The following DYNC1LI2 variants were observed in gnomAD, a reference collection of about 807,000 sequenced individuals.
The protein encoded by DYNC1LI2 is dynein cytoplasmic 1 light intermediate chain 2, also known as cytoplasmic dynein 1 light intermediate chain 2.
DYNC1LI2 carries 19 observed loss-of-function variants against 57.8 expected under a neutral mutation model. The ratio of observed to expected loss-of-function variants is 0.33; its 90% CI spans 0.23 to 0.48. The LOEUF (loss-of-function observed/expected upper bound fraction) is 0.48, where lower values mean the gene tolerates loss of function less well. DYNC1LI2 is among the 20% of genes least tolerant of loss of function. The probability of loss-of-function intolerance (pLI) is 0.99; values close to 1 mark genes in which losing one functional copy is unlikely to be tolerated. For missense variants in DYNC1LI2, 470 were observed against 604.2 expected (o/e 0.78, Z 2.33); for synonymous variants, 256 against 233.4 (o/e 1.10, Z -0.88).
Position 66,751,386 on chromosome 16 carries a change from G to C in DYNC1LI2, c.108-40C>G, listed in dbSNP as rs769105972. ...GCAAGAGTGGTCAGCCCCGGGCCGG[G>C]CTGGGATGGCCCGGCTCGCGTCGGC... On this transcript the variant is annotated intron_variant, in intron 1 of 12. Coordinates refer to ENST00000258198, the MANE Select transcript of DYNC1LI2 (RefSeq NM_006141.3). The surrounding 1 kb of genome is among the most constrained non-coding windows in gnomAD (Gnocchi z 5.2). The C allele has an allele frequency of 3.7e-5, 59 of 1,602,372 alleles. No homozygotes were observed. Among genetic ancestry groups the C allele is most frequent in the Non-Finnish European group, 4.8e-5 (56 of 1,175,614 alleles).
Position 66,734,040 on chromosome 16 carries a change from A to T in DYNC1LI2, c.793+178T>A, listed in dbSNP as rs574443635. The T allele has an allele frequency of 5.3e-6, 3 of 571,164 alleles. No individual in the cohort carries two copies. The Admixed American group carries it at 9.7e-5, about 18-fold the overall frequency. 35.4% of individuals were successfully genotyped at this position (571,164 alleles called of 1,614,324 possible). Reference sequence around the variant, plus strand: ...CAAATAAATGAGTGATCAAAGGTAGACACAAGTTAATAAACCTAAAACTCC... The same window carrying T: ...CAAATAAATGAGTGATCAAAGGTAGTCACAAGTTAATAAACCTAAAACTCC... On this transcript the variant is annotated intron_variant, in intron 6 of 12. Coordinates refer to ENST00000258198, the MANE Select transcript of DYNC1LI2 (RefSeq NM_006141.3).
Position 66,749,182 on chromosome 16 carries a change from C to A in DYNC1LI2, c.298+15G>T. 1 of 1,613,438 alleles carries A rather than the reference C, an allele frequency of 6.2e-7. No individual in the cohort carries two copies. The highest frequency in any genetic ancestry group is 2.2e-5 in the East Asian group (1 of 44,874). On this transcript the variant is annotated intron_variant, in intron 3 of 12. Transcript: ENST00000258198. ...TGCATACACCCCCTTACCATGGGACCAATGCTTCACTCACCATCTCGGTCC... is the reference window on the plus strand; with the variant it reads ...TGCATACACCCCCTTACCATGGGACAAATGCTTCACTCACCATCTCGGTCC...
intron 5 of DYNC1LI2, 69 bp downstream of exon 5, chr16:66,736,006 T>TC (rs3833056): frequency 0.34 from 529,403 of 1,545,828 alleles, 95,563 homozygotes; most frequent in East Asian, 0.61. Context: ...GTCAACAGTT[T>TC]CTCAAACTTT....
At chr16:66,750,887 A>C (rs1035268495) in intron 2 of DYNC1LI2, among the ~76,000 whole-genome samples, 2 of 152,198 alleles carry the variant, frequency 1.3e-5, no homozygotes, top group African/African-American at 2.4e-5. Context: ...ATGAGGCTCA[A>C]AGAAGGCTCC....
intron 5 of DYNC1LI2, 108 bp downstream of exon 5, chr16:66,735,967 T>C: frequency 1.4e-6 from 2 of 1,420,384 alleles, no homozygotes; most frequent in Admixed American, 4.6e-5. Context: ...GAATCTCAAA[T>C]AAGCCCAAGT....
chr16:66,734,435 AT>A, intron 5 of DYNC1LI2, 124 bp from the exon 6 acceptor site: 1 of 882,892 alleles, frequency 1.1e-6, no homozygotes, highest in Non-Finnish European at 1.7e-6. Flanking sequence ...GGGTCCAAGC[AT>A]TAATTAGAGA....
At chr16:66,750,933 C>T (rs2018035423) in intron 2 of DYNC1LI2, among the ~76,000 whole-genome samples, 1 of 152,200 alleles carries the variant, frequency 6.6e-6, no homozygotes. Context: ...GCCCAGGTCA[C>T]CTCGTTCTCC....
In DYNC1LI2 at chr16:66,728,966, C is replaced by A; in HGVS notation, c.1101+74G>T. 4 of 1,528,796 alleles carry A rather than the reference C, an allele frequency of 2.6e-6. No homozygotes were observed. The South Asian group carries it at 4.5e-5, about 17-fold the overall frequency. The allele number at this position is 1,528,796 out of a possible 1,614,324, so 94.7% of individuals were successfully genotyped here. A position where few individuals can be genotyped will look rare whatever the true frequency, so the allele number is the denominator to read the frequency against. ...CTTTGTGACTTCCCACATGCAGACACCCCCAACCCCACCCTAGGGACTGGC... is the reference window on the plus strand; with the variant it reads ...CTTTGTGACTTCCCACATGCAGACAACCCCAACCCCACCCTAGGGACTGGC... On this transcript the variant is annotated intron_variant, in intron 9 of 12. Coordinates refer to ENST00000258198, the MANE Select transcript of DYNC1LI2 (RefSeq NM_006141.3).
At chr16:66,743,483 C>G (rs980866298) in intron 3 of DYNC1LI2, among the ~76,000 whole-genome samples, 6 of 147,894 alleles carry the variant, frequency 4.1e-5, no homozygotes, top group African/African-American at 1.2e-4. Context: ...ATCACTTGAA[C>G]CCGGGAGGCA....
Position 66,734,173 on chromosome 16 carries a change from GAAGA to G in DYNC1LI2, c.793+41_793+44del, listed in dbSNP as rs754014461. ...TATCTCTTTGAAGATGCCCCATTTG[GAAGA>G]AAGCCTGTGACCCAGGCCCCACACA... On this transcript the variant is annotated intron_variant, in intron 6 of 12. Coordinates refer to ENST00000258198, the MANE Select transcript of DYNC1LI2 (RefSeq NM_006141.3). 14 of 1,593,724 alleles carry G rather than the reference GAAGA, an allele frequency of 8.8e-6. No homozygotes were observed. The Admixed American group carries it at 1.4e-4, about 15-fold the overall frequency.
At position 66,725,937 on chromosome 16, in the gene DYNC1LI2, T is replaced by C; in HGVS notation, c.1269A>G (p.Ala423=). The change falls in exon 12 of 13, where the codon GCA becomes GCG. Residue 423 remains alanine (A), a synonymous_variant. Coordinates refer to ENST00000258198, the MANE Select transcript of DYNC1LI2 (RefSeq NM_006141.3). ...KKPDPNIKNN[A]ASEGVLASFF... Reference sequence around the variant, plus strand: ...AGCTGGCCAACACCCCTTCACTTGCTGCATTATCTAAGGAAAATTAAAGAG... The same window carrying C: ...AGCTGGCCAACACCCCTTCACTTGCCGCATTATCTAAGGAAAATTAAAGAG... 1 of 1,609,556 alleles carries C rather than the reference T, an allele frequency of 6.2e-7. No individual in the cohort carries two copies. The highest frequency in any genetic ancestry group is 8.5e-7 in the Non-Finnish European group (1 of 1,178,762).
At chr16:66,727,337 G>A (rs1458376719) in intron 11 of DYNC1LI2, among the ~76,000 whole-genome samples, 2 of 152,180 alleles carry the variant, frequency 1.3e-5, no homozygotes, top group Non-Finnish European at 2.9e-5. Flanking sequence ...AGTGTGCTAT[G>A]ATCGTATCAC....
At chr16:66,749,574 G>A (rs1439049612) in intron 2 of DYNC1LI2, among the ~76,000 whole-genome samples, 1 of 152,148 alleles carries the variant, frequency 6.6e-6, no homozygotes, top group Non-Finnish European at 1.5e-5. Context: ...AAATAATGAG[G>A]CAGGTCCACA....
intron 4 of DYNC1LI2, among the ~76,000 whole-genome samples, chr16:66,739,559 C>T (rs2144994278): frequency 6.6e-6 from 1 of 152,160 alleles, no homozygotes; most frequent in South Asian, 2.1e-4. Flanking sequence ...TGTCTGCCTC[C>T]GAGTAGCCAG....
At chr16:66,740,511 A>G (rs552167930) in intron 4 of DYNC1LI2, among the ~76,000 whole-genome samples, 3 of 152,324 alleles carry the variant, frequency 2.0e-5, no homozygotes, top group South Asian at 2.1e-4. Flanking sequence ...AGAGAGGCCA[A>G]TGGAAAACCA....
Position 66,736,168 on chromosome 16 carries a change from G to C in DYNC1LI2, c.606C>G (p.Thr202=). Residue 202 remains threonine, a synonymous_variant, in exon 5 of 13, where the codon ACC becomes ACG. Transcript: ENST00000258198. ...QGSPQRRGPL[T]SGSDEENVAL... is the part of the protein sequence containing the mutation. ...CAACATTTTCTTCATCGGAGCCTGAGGTCAGAGGGCCTCTTCTCTGTGGGG... is the reference window on the plus strand; with the variant it reads ...CAACATTTTCTTCATCGGAGCCTGACGTCAGAGGGCCTCTTCTCTGTGGGG... The C allele has an allele frequency of 6.2e-7, 1 of 1,614,080 alleles. No individual in the cohort carries two copies. The highest frequency in any genetic ancestry group is 8.5e-7 in the Non-Finnish European group (1 of 1,180,040).
chr16:66,724,184 C>T (rs986835344), intron 12 of DYNC1LI2, among the ~76,000 whole-genome samples: 3 of 152,144 alleles, frequency 2.0e-5, no homozygotes, highest in Admixed American at 1.3e-4. Context: ...ATTTCAGCAA[C>T]GAAGGAAACT....
intron 3 of DYNC1LI2, among the ~76,000 whole-genome samples, chr16:66,747,012 A>G (rs1476388805): frequency 6.6e-6 from 1 of 152,126 alleles, no homozygotes; most frequent in East Asian, 1.9e-4. Flanking sequence ...TACAGACTCC[A>G]GTGGGCCTAG....
chr16:66,723,203 A>G lies in DYNC1LI2; in HGVS notation c.*519T>C. On this transcript the variant is annotated 3_prime_UTR_variant, in exon 13 of 13. Coordinates refer to ENST00000258198, the MANE Select transcript of DYNC1LI2 (RefSeq NM_006141.3). ...AACTTCTACTGAATGCACAGTATTT[A>G]CTGACACTGCTCATCTCCTCCTTCC... is the stretch of plus-strand genomic sequence containing the variant. 2.5e-6 allele frequency: 1 copy of G among 395,418 alleles called. No homozygotes were observed. The highest frequency in any genetic ancestry group is 3.6e-4 in the Middle Eastern group (1 of 2,754). 24.5% of individuals were successfully genotyped at this position (395,418 alleles called of 1,614,324 possible). A position where few individuals can be genotyped will look rare whatever the true frequency, so the allele number is the denominator to read the frequency against.
Sources: allele counts gnomAD v4.1 joint callset (sites outside exome capture counted in the v4.1 genomes callset), GRCh38; gene constraint gnomAD v4.1.1; non-coding constraint Gnocchi (gnomAD v3.1); transcripts MANE v1.5; gene names NCBI Gene and HGNC (gene_info 2026-07-23, HGNC 2026-07-21).